The following LMBRD2 variants were observed in gnomAD, a reference collection of about 807,000 sequenced individuals.
LMBRD2 encodes G protein-coupled receptor-associated protein LMBRD2.
A neutral mutation model predicts 94.4 loss-of-function variants in LMBRD2; 55 were observed. The ratio of observed to expected loss-of-function variants is 0.58; its 90% CI spans 0.47 to 0.73. The LOEUF (loss-of-function observed/expected upper bound fraction) is 0.73. Ranked by LOEUF, LMBRD2 falls within the 30% of genes least tolerant of loss-of-function variation. The pLI, the probability that LMBRD2 is intolerant of heterozygous loss-of-function variation, is 0.00. For synonymous variants in LMBRD2, 246 were observed against 272.4 expected (o/e 0.90, Z 0.95); for missense variants, 640 against 831.9 (o/e 0.77, Z 2.84).
intron 14 of LMBRD2, among the ~76,000 whole-genome samples, chr5:36,110,275 T>C (rs1026613214): frequency 6.6e-6 from 1 of 152,090 alleles, no homozygotes; most frequent in Non-Finnish European, 1.5e-5. Flanking sequence ...GTAAATTCTA[T>C]TCTTTTATTC....
At chr5:36,138,652 A>T (rs1744329811) in intron 4 of LMBRD2, among the ~76,000 whole-genome samples, 1 of 152,224 alleles carries the variant, frequency 6.6e-6, no homozygotes, top group African/African-American at 2.4e-5. Context: ...TCACTTTGAA[A>T]AAAGTCAAAC....
Position 36,111,249 on chromosome 5 carries a change from G to T in LMBRD2, c.1650C>A (p.Thr550=), listed in dbSNP as rs1381950957. 6.2e-7 allele frequency: 1 copy of T among 1,608,632 alleles called. No individual in the cohort carries two copies. Among genetic ancestry groups the T allele is most frequent in the East Asian group, 2.2e-5 (1 of 44,650 alleles). ...LCIATYFSLG[T]RCLNLLGFQQ... ...GGAAACCGAGCAGATTCAAACAACG[G>T]GTTCCCAAACTAATAAAAGCAGATT... The change falls in exon 14 of 18, where the codon ACC becomes ACA. Residue 550 remains threonine, a synonymous_variant. Transcript: ENST00000296603.
In LMBRD2 at chr5:36,122,938, T is replaced by A; in HGVS notation, c.846A>T (p.Lys282Asn). 1 of 1,560,574 alleles carries A rather than the reference T, an allele frequency of 6.4e-7. No individual in the cohort carries two copies. The highest frequency in any genetic ancestry group is 8.6e-7 in the Non-Finnish European group (1 of 1,161,944). The change falls in exon 8 of 18, where the codon AAA becomes AAT. Residue 282 changes from lysine (K) to asparagine (N), a missense_variant. This residue lies in a region of LMBRD2 where 457 missense variants were observed against 642.8 expected (regional missense o/e 0.71). Transcript: ENST00000296603. ...CATAATCATCCATGTTCCTACCCAT[T>A]TTTTCCTGATACTCTGTAGGGCACT... ...LKKCPTEYQE[K>N]MGRNMDDYED...
intron 4 of LMBRD2, among the ~76,000 whole-genome samples, chr5:36,140,581 G>A (rs550868908): frequency 5.3e-4 from 80 of 152,276 alleles, no homozygotes; most frequent in Middle Eastern, 3.4e-3. Context: ...TAGATTTGTT[G>A]GTGAGAAGCT....
At chr5:36,121,391 T>C (rs995529945) in intron 9 of LMBRD2, among the ~76,000 whole-genome samples, 2 of 152,200 alleles carry the variant, frequency 1.3e-5, no homozygotes, top group African/African-American at 4.8e-5. Context: ...ATCAAGTGAA[T>C]ATAACAATTT....
intron 6 of LMBRD2, among the ~76,000 whole-genome samples, chr5:36,124,791 G>A (rs544270457): frequency 6.6e-6 from 1 of 152,236 alleles, no homozygotes; most frequent in Admixed American, 6.5e-5. Flanking sequence ...GCTCAGGCCT[G>A]TAATCCCAGC....
intron 13 of LMBRD2, among the ~76,000 whole-genome samples, chr5:36,113,860 C>G (rs750180553): frequency 2.6e-5 from 4 of 152,140 alleles, no homozygotes; most frequent in African/African-American, 4.8e-5. Flanking sequence ...TTTTGAATCT[C>G]ACTCCTGCCT....
intron 12 of LMBRD2, 46 bp downstream of exon 12, chr5:36,114,969 A>G (rs1254457569): frequency 1.6e-6 from 2 of 1,217,924 alleles, no homozygotes; most frequent in Non-Finnish European, 2.4e-6. Context: ...ACAGCACCTC[A>G]TATAGATAGT....
At chr5:36,141,032 C>A in intron 4 of LMBRD2, 75 bp downstream of exon 4, 2 of 784,238 alleles carry the variant, frequency 2.6e-6, no homozygotes, top group South Asian at 3.3e-5. Flanking sequence ...AAATAAATTC[C>A]AAACTATATT....
chr5:36,145,599 C>A (rs1271834315), intron 1 of LMBRD2, among the ~76,000 whole-genome samples: 1 of 152,142 alleles, frequency 6.6e-6, no homozygotes, highest in East Asian at 1.9e-4. Context: ...GATAACAAAA[C>A]CATCTTCGAG....
chr5:36,126,985 C>T (rs1038594466), intron 6 of LMBRD2, among the ~76,000 whole-genome samples: 2 of 152,188 alleles, frequency 1.3e-5, no homozygotes, highest in Admixed American at 6.5e-5. Context: ...CTACCCATCC[C>T]GCAAGGCCCA....
intron 6 of LMBRD2, among the ~76,000 whole-genome samples, chr5:36,125,982 A>C (rs983991942): frequency 6.6e-6 from 1 of 152,246 alleles, no homozygotes; most frequent in Non-Finnish European, 1.5e-5. Context: ...GGACTGAAAA[A>C]GTCCAGTGTG....
chr5:36,145,281 A>C (rs1243158888), intron 1 of LMBRD2, among the ~76,000 whole-genome samples: 1 of 152,270 alleles, frequency 6.6e-6, no homozygotes, highest in Non-Finnish European at 1.5e-5. Context: ...AAACTGATTT[A>C]ACAAATACTT....
chr5:36,104,114 G>C lies in LMBRD2; in HGVS notation c.2028-8C>G, dbSNP rs150933633. On this transcript the variant is annotated splice_region_variant and splice_polypyrimidine_tract_variant and intron_variant, in intron 17 of 17. Coordinates refer to ENST00000296603, the MANE Select transcript of LMBRD2 (RefSeq NM_001007527.2). ...CGTCCACCAGGCTGATACCTAAAAAGGGAACATAAAGAAATGATCTGAGGC... is the reference window on the plus strand; with the variant it reads ...CGTCCACCAGGCTGATACCTAAAAACGGAACATAAAGAAATGATCTGAGGC... 232 of 1,604,722 alleles carry C rather than the reference G, an allele frequency of 1.4e-4. No homozygotes were observed. The East Asian group carries it at 4.3e-3, about 30-fold the overall frequency.
intron 14 of LMBRD2, among the ~76,000 whole-genome samples, chr5:36,110,785 G>A (rs1288438956): frequency 6.6e-6 from 1 of 152,026 alleles, no homozygotes; most frequent in African/African-American, 2.4e-5. Flanking sequence ...TTGTTTGAAT[G>A]ATTTCCCATG....
intron 6 of LMBRD2, among the ~76,000 whole-genome samples, chr5:36,135,179 G>T (rs1365233604): frequency 6.6e-6 from 1 of 152,142 alleles, no homozygotes; most frequent in African/African-American, 2.4e-5. Context: ...AGGCAAGACT[G>T]CCTGGCTCTT....
chr5:36,111,224 G>A lies in LMBRD2; in HGVS notation c.1675C>T (p.Gln559Ter), dbSNP rs773909949. 1.2e-6 allele frequency: 2 copies of A among 1,611,524 alleles called. No individual in the cohort carries two copies. The highest frequency in any genetic ancestry group is 1.7e-6 in the Non-Finnish European group (2 of 1,178,546). Reference protein sequence around the residue: ...GTRCLNLLGFQQFMGDDDMTS... With the variant: ...GTRCLNLLGF Reference sequence around the variant, plus strand: ...ATATCATCATCTCCCATAAACTGCTGGAAACCGAGCAGATTCAAACAACGG... The same window carrying A: ...ATATCATCATCTCCCATAAACTGCTAGAAACCGAGCAGATTCAAACAACGG... The change falls in exon 14 of 18, where the codon CAG becomes TAG. Residue 559 changes from glutamine (Q) to a stop codon, truncating the protein, a stop_gained. Coordinates refer to ENST00000296603, the MANE Select transcript of LMBRD2 (RefSeq NM_001007527.2). LOFTEE classifies it high-confidence loss of function.
rs768838596 is a variant in LMBRD2 at position 36,108,581 on chromosome 5, T to C, written c.1850A>G (p.His617Arg). 1.9e-6 allele frequency: 3 copies of C among 1,597,192 alleles called. No individual in the cohort carries two copies. Among genetic ancestry groups the C allele is most frequent in the Admixed American group, 1.7e-5 (1 of 59,578 alleles). Reference protein sequence around the residue: ...REDSTRNRNIHTDPKESNFSD... With the variant: ...REDSTRNRNIRTDPKESNFSD... ...GAAGTTTGACTCTTTGGGGTCAGTA[T>C]GAATATTTCTGTTCCTAGTGGAATC... Residue 617 changes from histidine (H) to arginine (R), a missense_variant, in exon 16 of 18, where the codon CAT (histidine) becomes CGT (arginine). Around this residue, in one of 2 missense-constraint regions of LMBRD2, gnomAD observed 183 missense variants for 189.1 expected, o/e 0.97. Transcript: ENST00000296603.
intron 6 of LMBRD2, among the ~76,000 whole-genome samples, chr5:36,135,128 C>T (rs1222402404): frequency 6.6e-6 from 1 of 152,150 alleles, no homozygotes; most frequent in South Asian, 2.1e-4. Context: ...AAAATATTTA[C>T]TATCTGGCCC....
Sources: allele counts gnomAD v4.1 joint callset (sites outside exome capture counted in the v4.1 genomes callset), GRCh38; gene constraint gnomAD v4.1.1; regional missense constraint gnomAD v4.1.1; transcripts MANE v1.5; gene names NCBI Gene and HGNC (gene_info 2026-07-23, HGNC 2026-07-21).